The following OR14A2 variants were observed in gnomAD, a reference collection of about 807,000 sequenced individuals.
OR14A2 encodes olfactory receptor family 14 subfamily A member 2.
For missense variants in OR14A2, 237 were observed against 152.9 expected (o/e 1.55, Z -2.90); for synonymous variants, 114 against 58.6 (o/e 1.95, Z -4.32).
chr1:247,724,127 AC>A, upstream of OR14A2: 1 of 604,820 alleles, frequency 1.7e-6, no homozygotes. Context: ...ATTAGTCTAT[AC>A]AGACTAGCAA....
chr1:247,725,689 A>C (rs1308035974), upstream of OR14A2, among the ~76,000 whole-genome samples: 41 of 80,570 alleles, frequency 5.1e-4, no homozygotes, highest in Non-Finnish European at 7.6e-4. Context: ...CCCTCCCCCC[A>C]CCCCACCACA....
chr1:247,728,589 G>C (rs981873398), upstream of OR14A2, among the ~76,000 whole-genome samples: 1 of 152,030 alleles, frequency 6.6e-6, no homozygotes, highest in Non-Finnish European at 1.5e-5. Flanking sequence ...TTAGGCAGGA[G>C]AAGGAAATAA....
chr1:247,742,267 TAC>T, the OR14A2 span, among the ~76,000 whole-genome samples: 1 of 151,956 alleles, frequency 6.6e-6, no homozygotes, highest in East Asian at 1.9e-4. Context: ...GTTGAGATAA[TAC>T]ACACACACAC....
At chr1:247,747,564 G>C in the OR14A2 span, among the ~76,000 whole-genome samples, 2 of 151,876 alleles carry the variant, frequency 1.3e-5, no homozygotes, top group East Asian at 2.0e-4. Flanking sequence ...GGGTTTCGCC[G>C]TGTTAGCCAG....
At chr1:247,723,505 G>A (rs1660253820) in exon 1 of OR14A2, 2 of 717,804 alleles carry the variant, frequency 2.8e-6, no homozygotes, top group East Asian at 2.7e-5. Flanking sequence ...TAGTAATGAA[G>A]GAACATCACA....
At chr1:247,732,966 A>G in the OR14A2 span, among the ~76,000 whole-genome samples, 641 of 152,090 alleles carry the variant, frequency 4.2e-3, 5 homozygotes, top group African/African-American at 0.015. Context: ...TTACTTTTCC[A>G]CCCTTTTGCC....
At chr1:247,733,800 A>G in the OR14A2 span, among the ~76,000 whole-genome samples, 32 of 152,292 alleles carry the variant, frequency 2.1e-4, no homozygotes, top group African/African-American at 4.3e-4. Flanking sequence ...CACCACCTCT[A>G]TTTAGCCCCA....
chr1:247,723,768 A>G, exon 1 of OR14A2: 1 of 718,228 alleles, frequency 1.4e-6, no homozygotes, highest in Non-Finnish European at 2.6e-6. Flanking sequence ...CACATCCTAG[A>G]ATGGAAATGG....
chr1:247,729,980 CATT>C, the OR14A2 span, among the ~76,000 whole-genome samples: 1 of 152,038 alleles, frequency 6.6e-6, no homozygotes, highest in African/African-American at 2.4e-5. Flanking sequence ...AAACTGCCTT[CATT>C]ATCATTATTT....
chr1:247,746,727 A>C, the OR14A2 span: 7 of 152,332 alleles, frequency 4.6e-5, no homozygotes, highest in African/African-American at 1.4e-4. Context: ...AACATCTTAG[A>C]ATGTGGCTGG....
upstream of OR14A2, among the ~76,000 whole-genome samples, chr1:247,724,472 T>C (rs1420058244): frequency 1.3e-5 from 2 of 152,144 alleles, no homozygotes; most frequent in African/African-American, 4.8e-5. Context: ...GTATCCCTAA[T>C]ATCCTATACA....
At chr1:247,742,759 A>G in the OR14A2 span, among the ~76,000 whole-genome samples, 1 of 152,254 alleles carries the variant, frequency 6.6e-6, no homozygotes, top group Non-Finnish European at 1.5e-5. Context: ...ATGATTTGAG[A>G]CAACAAAACA....
chr1:247,732,452 T>C, the OR14A2 span, among the ~76,000 whole-genome samples: 11 of 152,286 alleles, frequency 7.2e-5, no homozygotes, highest in South Asian at 1.7e-3. Flanking sequence ...TTTTTTATAT[T>C]ATGTTTAGGT....
chr1:247,736,908 A>G, the OR14A2 span, among the ~76,000 whole-genome samples: 1 of 152,206 alleles, frequency 6.6e-6, no homozygotes, highest in Non-Finnish European at 1.5e-5. Context: ...AAAGTTTGCA[A>G]CATAGTAAGA....
chr1:247,737,532 C>T, the OR14A2 span, among the ~76,000 whole-genome samples: 5 of 146,878 alleles, frequency 3.4e-5, no homozygotes, highest in Non-Finnish European at 5.9e-5. Context: ...TTAAAGCCTC[C>T]TCTGTTTGAC....
At chr1:247,723,764 C>T (rs910526641) in exon 1 of OR14A2, 4 of 718,008 alleles carry the variant, frequency 5.6e-6, no homozygotes, top group Non-Finnish European at 1.0e-5. Context: ...AAGGCACATC[C>T]TAGAATGGAA....
upstream of OR14A2, chr1:247,724,179 C>A (rs1293107161): frequency 3.8e-6 from 2 of 528,476 alleles, no homozygotes; most frequent in Non-Finnish European, 6.7e-6. Flanking sequence ...GGAAAGGAGT[C>A]ATGTACCTAC....
At chr1:247,723,659 T>G in exon 1 of OR14A2, 1 of 718,562 alleles carries the variant, frequency 1.4e-6, no homozygotes, top group Non-Finnish European at 2.6e-6. Context: ...ACCTCGTAGT[T>G]CAGGGGACAG....
At chr1:247,734,292 G>A in the OR14A2 span, among the ~76,000 whole-genome samples, 1 of 152,254 alleles carries the variant, frequency 6.6e-6, no homozygotes, top group Non-Finnish European at 1.5e-5. Context: ...TCTGCAGCCC[G>A]AGGAGAAGAT....
Sources: gnomAD v4.1 joint callset for allele counts (sites outside exome capture counted in the v4.1 genomes callset) on GRCh38, gnomAD v4.1.1 for gene constraint, MANE v1.5 for transcripts, NCBI Gene and HGNC (gene_info 2026-07-23, HGNC 2026-07-21) for gene names.